CYP2R1: variants seen among roughly 807,000 people sequenced by gnomAD.
CYP2R1 encodes cytochrome P450 family 2 subfamily R member 1.
A neutral mutation model predicts 45.7 loss-of-function variants in CYP2R1; 40 were observed. That is an observed-to-expected ratio of 0.87 (90% CI 0.68 to 1.14). CYP2R1 has a LOEUF of 1.14. CYP2R1 is among the 50% of genes most tolerant of loss of function. CYP2R1 has a pLI of 0.00. For synonymous variants in CYP2R1, 234 were observed against 219.3 expected (o/e 1.07, Z -0.59); for missense variants, 605 against 602.6 (o/e 1.00, Z -0.04).
chr11:14,883,089 A>G (rs1189887151), intron 2 of CYP2R1, among the ~76,000 whole-genome samples: 9 of 152,142 alleles, frequency 5.9e-5, no homozygotes, highest in Admixed American at 1.3e-4. Flanking sequence ...AATCAATATC[A>G]TGAAAATGGC....
chr11:14,884,722 AAC>A (rs1475558038), intron 2 of CYP2R1, among the ~76,000 whole-genome samples: 4 of 151,962 alleles, frequency 2.6e-5, no homozygotes, highest in African/African-American at 7.2e-5. Context: ...GAAATAAAAA[AAC>A]ACATAATTTT....
chr11:14,890,855 C>A (rs1173729014), intron 1 of CYP2R1: 1 of 985,172 alleles, frequency 1.0e-6, no homozygotes, highest in Non-Finnish European at 1.2e-6. Context: ...GGCACCTAGA[C>A]CAATCCTTGT....
At position 14,878,149 on chromosome 11, in the gene CYP2R1, G is replaced by A. The variant is rs200649142; in HGVS notation, c.1479C>T (p.Pro493=). Residue 493 remains proline, a synonymous_variant, in exon 5 of 5, where the codon CCC becomes CCT. Transcript: ENST00000334636. ...PRLGMTLQPQ[P]YLICAERR ...AGCGTCTTTCAGCACAGATGAGGTA[G>A]GGTTGGGGCTGCAATGTCATGCCTA... 13 of 1,612,986 alleles carry A rather than the reference G, an allele frequency of 8.1e-6. No homozygotes were observed. Among genetic ancestry groups the A allele is most frequent in the Non-Finnish European group, 1.1e-5 (13 of 1,179,440 alleles).
At position 14,880,277 on chromosome 11, in the gene CYP2R1, C is replaced by T. The variant is rs1555011557; in HGVS notation, c.859G>A (p.Gly287Ser). The change falls in exon 3 of 5, where the codon GGT becomes AGT. Residue 287 changes from glycine (G) to serine (S), a missense_variant. Transcript: ENST00000334636. ...AAAGTAGATGATGGGTCATTTTTAC[C>T]TTGATCCATCTCATCTAAATAAGCA... ...VDAYLDEMDQ[G>S]KNDPSSTFSK... 1 of 1,613,004 alleles carries T rather than the reference C, an allele frequency of 6.2e-7. No individual in the cohort carries two copies. Among genetic ancestry groups the T allele is most frequent in the Admixed American group, 1.7e-5 (1 of 59,816 alleles).
chr11:14,880,074 CA>C, intron 3 of CYP2R1, 61 bp downstream of exon 3: 1 of 1,576,806 alleles, frequency 6.3e-7, no homozygotes, highest in Non-Finnish European at 8.7e-7. Context: ...GGCCAAGACT[CA>C]AAAACATGTA....
chr11:14,890,795 G>A, intron 1 of CYP2R1: 1 of 865,272 alleles, frequency 1.2e-6, no homozygotes, highest in African/African-American at 1.8e-5. Flanking sequence ...TGATCCGCCC[G>A]CCTCGGCCTC....
chr11:14,881,357 T>C (rs1848380442), intron 2 of CYP2R1, among the ~76,000 whole-genome samples: 1 of 152,116 alleles, frequency 6.6e-6, no homozygotes, highest in African/African-American at 2.4e-5. Flanking sequence ...AATGCTGATA[T>C]TGCCTGCCTT....
intron 2 of CYP2R1, among the ~76,000 whole-genome samples, chr11:14,883,620 A>G (rs1231912806): frequency 6.6e-6 from 1 of 152,186 alleles, no homozygotes; most frequent in Admixed American, 6.5e-5. Flanking sequence ...GGAGATAGGC[A>G]TGGGCAAGGA....
At chr11:14,885,259 T>C (rs991743425) in intron 2 of CYP2R1, among the ~76,000 whole-genome samples, 4 of 152,164 alleles carry the variant, frequency 2.6e-5, no homozygotes, top group Non-Finnish European at 5.9e-5. Flanking sequence ...ACTTTCAGTC[T>C]TTCCCCCTTG....
chr11:14,879,899 C>T (rs938368726), intron 3 of CYP2R1, among the ~76,000 whole-genome samples: 1 of 152,094 alleles, frequency 6.6e-6, no homozygotes, highest in Non-Finnish European at 1.5e-5. Flanking sequence ...CTTGCAGACA[C>T]ACAGTGTTTT....
In CYP2R1 at chr11:14,878,150, G is replaced by C; in HGVS notation, c.1478C>G (p.Pro493Arg). The change falls in exon 5 of 5, where the codon CCC becomes CGC. Residue 493 changes from proline to arginine, a missense_variant. Transcript: ENST00000334636. ...PRLGMTLQPQ[P>R]YLICAERR Reference sequence around the variant, plus strand: ...GCGTCTTTCAGCACAGATGAGGTAGGGTTGGGGCTGCAATGTCATGCCTAA... The same window carrying C: ...GCGTCTTTCAGCACAGATGAGGTAGCGTTGGGGCTGCAATGTCATGCCTAA... 2 of 1,613,160 alleles carry C rather than the reference G, an allele frequency of 1.2e-6. No individual in the cohort carries two copies. Among genetic ancestry groups the C allele is most frequent in the Non-Finnish European group, 8.5e-7 (1 of 1,179,442 alleles).
chr11:14,879,092 C>A, intron 4 of CYP2R1, 22 bp downstream of exon 4: 1 of 1,566,514 alleles, frequency 6.4e-7, no homozygotes, highest in Non-Finnish European at 8.8e-7. Flanking sequence ...TCTAAAGTTA[C>A]GCCCCGTGAA....
In CYP2R1 at chr11:14,888,697, T is replaced by G. The variant is rs17410157; in HGVS notation, c.226-2780A>C. On this transcript the variant is annotated intron_variant, in intron 1 of 4. Coordinates refer to ENST00000334636, the MANE Select transcript of CYP2R1 (RefSeq NM_024514.5). ...CTTGTCTTCTGCCTGCATGCTAAAT[T>G]ACAAACTCCTTAGGAGCAGTGATTT... Among the ~76,000 whole-genome samples, 485 of 152,310 alleles carry G rather than the reference T, an allele frequency of 3.2e-3. 1 individual carries two copies. The highest frequency in any genetic ancestry group is 0.014 in the Middle Eastern group (4 of 294).
Position 14,892,132 on chromosome 11 carries a change from A to G in CYP2R1, c.74T>C (p.Leu25Pro). The change falls in exon 1 of 5, where the codon CTA becomes CCA. Residue 25 changes from leucine to proline, a missense_variant. Transcript: ENST00000334636. Reference protein sequence around the residue: ...GGALFLLLFALGVRQLLKQRR... With the variant: ...GGALFLLLFAPGVRQLLKQRR... ...CTGCTTCAGCAGCTGGCGGACCCCT[A>G]GCGCGAAGAGCAGCAGGAAGAGCGC... 1 of 1,611,498 alleles carries G rather than the reference A, an allele frequency of 6.2e-7. No individual in the cohort carries two copies. Among genetic ancestry groups the G allele is most frequent in the Non-Finnish European group, 8.5e-7 (1 of 1,179,722 alleles).
chr11:14,884,291 A>G (rs1848515919), intron 2 of CYP2R1, among the ~76,000 whole-genome samples: 1 of 152,026 alleles, frequency 6.6e-6, no homozygotes, highest in African/African-American at 2.4e-5. Context: ...CAAAGGTCCA[A>G]AAATGATAGA....
intron 2 of CYP2R1, 85 bp from the exon 3 acceptor site, chr11:14,880,853 G>A: frequency 7.8e-7 from 1 of 1,287,698 alleles, no homozygotes; most frequent in Non-Finnish European, 1.1e-6. Context: ...TTAATGGATG[G>A]TTAGTCATCC....
chr11:14,885,865 T>C lies in CYP2R1; in HGVS notation c.278A>G (p.Asp93Gly), dbSNP rs1555014340. Reference sequence around the variant, plus strand: ...ATGAACAAGGCATTCCTTTACTACATCATAGCCATTTAGAACCACAGTTGA... The same window carrying C: ...ATGAACAAGGCATTCCTTTACTACACCATAGCCATTTAGAACCACAGTTGA... ...GISTVVLNGY[D>G]VVKECLVHQS... Residue 93 changes from aspartate to glycine, a missense_variant, in exon 2 of 5, where the codon GAT (aspartate) becomes GGT (glycine). Physicochemically the swap from Asp to Gly is moderately conservative, Grantham distance 94. Transcript: ENST00000334636. 2 of 1,613,622 alleles carry C rather than the reference T, an allele frequency of 1.2e-6. No homozygotes were observed. The highest frequency in any genetic ancestry group is 1.7e-5 in the Admixed American group (1 of 59,980).
upstream of CYP2R1, among the ~76,000 whole-genome samples, chr11:14,892,409 G>A (rs963954480): frequency 2.6e-5 from 4 of 152,192 alleles, no homozygotes; most frequent in African/African-American, 9.6e-5. Context: ...GGAGCGGGTG[G>A]CCGGTGCTAC....
intron 2 of CYP2R1, among the ~76,000 whole-genome samples, chr11:14,882,480 C>CTAGTAGGA (rs1311500817): frequency 1.3e-5 from 2 of 152,048 alleles, no homozygotes; most frequent in Non-Finnish European, 2.9e-5. Flanking sequence ...GATATATACA[C>CTAGTAGGA]AAGAAGGTAC....
Sources: gnomAD v4.1 joint callset for allele counts (sites outside exome capture counted in the v4.1 genomes callset) on GRCh38, gnomAD v4.1.1 for gene constraint, MANE v1.5 for transcripts, NCBI Gene and HGNC (gene_info 2026-07-23, HGNC 2026-07-21) for gene names.